Variants in MAGEB1 observed in about 807,000 individuals in gnomAD.
MAGEB1 encodes MAGE family member B1, also known as melanoma-associated antigen B1.
For missense variants in MAGEB1, 290 were observed against 286.7 expected, an observed-to-expected ratio of 1.01 and a Z score of -0.08; for synonymous variants, 99 against 105.7, an observed-to-expected ratio of 0.94 and a Z score of 0.39.
In MAGEB1 at chrX:30,251,265, G is replaced by A. The variant is rs779526546; in HGVS notation, c.772G>A (p.Glu258Lys). The A allele has an allele frequency of 5.8e-6, 7 of 1,211,949 alleles. No individual in the cohort carries two copies. Among genetic ancestry groups the A allele is most frequent in the Admixed American group, 4.3e-5 (2 of 46,080 alleles). ...GGTGCAGGAAAAATATCTGAAGTAC[G>A]AGCAGGTGCCCAACAGTGATCCCCC... ...DLVQEKYLKYEQVPNSDPPRY... is the reference protein window; with the variant it reads ...DLVQEKYLKYKQVPNSDPPRY... The change falls in exon 2 of 2, where the codon GAG becomes AAG. Residue 258 changes from glutamate to lysine, a missense_variant. Transcript: ENST00000397548.
intron 1 of MAGEB1, among the ~76,000 whole-genome samples, chrX:30,247,817 T>C (rs1004938848): frequency 9.1e-6 from 1 of 109,799 alleles, no homozygotes; most frequent in Non-Finnish European, 1.9e-5. Context: ...GGTGGTGGGC[T>C]GCTGTAGTCC....
At chrX:30,245,758 C>T (rs982492080), upstream of MAGEB1, among the ~76,000 whole-genome samples, 2 of 112,081 alleles carry the variant, frequency 1.8e-5, no homozygotes, top group Non-Finnish European at 3.8e-5. Flanking sequence ...ATATGATCAC[C>T]GACAGAAGCA....
upstream of MAGEB1, chrX:30,244,265 C>G (rs1489454366): frequency 2.4e-5 from 3 of 122,922 alleles, no homozygotes; most frequent in African/African-American, 6.5e-5. Context: ...GTACCCGGAT[C>G]TGCTTAGCTT....
At chrX:30,247,693 C>G (rs186817192) in intron 1 of MAGEB1, among the ~76,000 whole-genome samples, 1 of 111,636 alleles carries the variant, frequency 9.0e-6, no homozygotes, top group East Asian at 2.9e-4. Flanking sequence ...ACCCGTAATC[C>G]CAGAACTCTG....
At position 30,251,355 on chromosome X, in the gene MAGEB1, T is replaced by C; in HGVS notation, c.862T>C (p.Phe288Leu). ...AACCACCAAGATGAAAGTCCTCGAG[T>C]TTTTGGCCAAGATGAATGGTGCCAC... is the stretch of plus-strand genomic sequence containing the variant. The part of the protein sequence containing the change: ...AETTKMKVLE[F>L]LAKMNGATPR... Residue 288 changes from phenylalanine (F) to leucine (L), a missense_variant, in exon 2 of 2, where the codon TTT (phenylalanine) becomes CTT (leucine). By Grantham distance (22) the Phe-to-Leu change is conservative. Transcript: ENST00000397548. 1 of 1,209,685 alleles carries C rather than the reference T, an allele frequency of 8.3e-7. No individual in the cohort carries two copies. The highest frequency in any genetic ancestry group is 1.1e-6 in the Non-Finnish European group (1 of 894,774).
At chrX:30,247,994 G>T (rs948257724) in intron 1 of MAGEB1, among the ~76,000 whole-genome samples, 1 of 104,475 alleles carries the variant, frequency 9.6e-6, no homozygotes, top group Non-Finnish European at 2.0e-5. Flanking sequence ...GTCGGCACAC[G>T]CAGGCCCCAG....
At position 30,251,043 on chromosome X, in the gene MAGEB1, A is replaced by G. The variant is rs1178248006; in HGVS notation, c.550A>G (p.Thr184Ala). ...TYTLVSKLNL[T>A]NDGNLSNDWD... ...CACCCTCGTCAGTAAGCTAAACCTCACCAATGATGGAAACCTGAGCAATGA... is the reference window on the plus strand; with the variant it reads ...CACCCTCGTCAGTAAGCTAAACCTCGCCAATGATGGAAACCTGAGCAATGA... The change falls in exon 2 of 2, where the codon ACC becomes GCC. Residue 184 changes from threonine (T) to alanine (A), a missense_variant. Coordinates refer to ENST00000397548, the MANE Select transcript of MAGEB1 (RefSeq NM_177404.3). 1 of 1,208,998 alleles carries G rather than the reference A, an allele frequency of 8.3e-7. No individual in the cohort carries two copies. The highest frequency in any genetic ancestry group is 3.0e-5 in the East Asian group (1 of 33,748).
At chrX:30,250,310 A>G (rs1203937462) in intron 1 of MAGEB1, 124 bp from the exon 2 acceptor site, 3 of 433,601 alleles carry the variant, frequency 6.9e-6, no homozygotes, top group African/African-American at 2.5e-5. Context: ...CAGGGTTGGC[A>G]ACAAGAACCC....
chrX:30,247,946 G>GGAAAAAA (rs1483040801), intron 1 of MAGEB1, among the ~76,000 whole-genome samples: 3 of 45,936 alleles, frequency 6.5e-5, no homozygotes, highest in Non-Finnish European at 1.0e-4. Flanking sequence ...TCAGTCTCAA[G>GGAAAAAA]AAAAAAAAAA....
chrX:30,251,711 A>G lies in MAGEB1; in HGVS notation c.*174A>G, dbSNP rs925684685. 7 of 441,331 alleles carry G rather than the reference A, an allele frequency of 1.6e-5. No individual in the cohort carries two copies. The East Asian group carries it at 2.7e-4, about 17-fold the overall frequency. The allele number at this position is 441,331 out of a possible 1,213,427, so 36.4% of individuals were successfully genotyped here. A position where few individuals can be genotyped will look rare whatever the true frequency, so the allele number is the denominator to read the frequency against. On this transcript the variant is annotated 3_prime_UTR_variant, in exon 2 of 2. Coordinates refer to ENST00000397548, the MANE Select transcript of MAGEB1 (RefSeq NM_177404.3). ...AATAGAATGTTTATTTAGAGTTGGG[A>G]TCTATGTCTATGAGCGACATGGATC...
chrX:30,249,863 C>T (rs981251085), intron 1 of MAGEB1, among the ~76,000 whole-genome samples: 2 of 111,126 alleles, frequency 1.8e-5, no homozygotes, highest in Admixed American at 9.5e-5. Flanking sequence ...CTGCACTTAG[C>T]TCTGAAAGGC....
intron 1 of MAGEB1, 123 bp from the exon 2 acceptor site, chrX:30,250,311 A>C (rs1925466031): frequency 4.6e-6 from 2 of 433,875 alleles, no homozygotes; most frequent in Non-Finnish European, 7.9e-6. Context: ...AGGGTTGGCA[A>C]CAAGAACCCA....
chrX:30,251,292 C>A lies in MAGEB1; in HGVS notation c.799C>A (p.Arg267Ser), dbSNP rs7062640. ...GCAGGTGCCCAACAGTGATCCCCCA[C>A]GCTATCAATTCCTATGGGGTCCGAG... ...YEQVPNSDPP[R>S]YQFLWGPRAY... Residue 267 changes from arginine (R) to serine (S), a missense_variant, in exon 2 of 2, where the codon CGC becomes AGC. By Grantham distance (110) the Arg-to-Ser change is moderately radical. Coordinates refer to ENST00000397548, the MANE Select transcript of MAGEB1 (RefSeq NM_177404.3). 2.5e-6 allele frequency: 3 copies of A among 1,211,810 alleles called. No homozygotes were observed. Among genetic ancestry groups the A allele is most frequent in the East Asian group, 3.0e-5 (1 of 33,854 alleles).
At chrX:30,244,536 A>C (rs1399145998), upstream of MAGEB1, among the ~76,000 whole-genome samples, 1 of 112,330 alleles carries the variant, frequency 8.9e-6, no homozygotes, top group African/African-American at 3.2e-5. Flanking sequence ...AAAGGGGATA[A>C]AAAAGAAGGT....
Position 30,251,173 on chromosome X carries a change from T to C in MAGEB1, c.680T>C (p.Leu227Ser). 1 of 1,211,693 alleles carries C rather than the reference T, an allele frequency of 8.3e-7. No homozygotes were observed. Among genetic ancestry groups the C allele is most frequent in the Non-Finnish European group, 1.1e-6 (1 of 895,405 alleles). Residue 227 changes from leucine to serine, a missense_variant, in exon 2 of 2, where the codon TTG becomes TCG. Transcript: ENST00000397548. ...EEEIWKFMNVLGAYDGEEHLI... is the reference protein window; with the variant it reads ...EEEIWKFMNVSGAYDGEEHLI... ...GAGATCTGGAAATTCATGAATGTGT[T>C]GGGAGCCTATGATGGAGAGGAGCAC...
In MAGEB1 at chrX:30,251,545, G is replaced by A. The variant is rs1441502346; in HGVS notation, c.*8G>A. 8.4e-7 allele frequency: 1 copy of A among 1,191,272 alleles called. No individual in the cohort carries two copies. ...TCCTCCCACCCCATGTGAGAACTCAGGCAGATTGTTCACTTTGTTTTTGTG... is the reference window on the plus strand; with the variant it reads ...TCCTCCCACCCCATGTGAGAACTCAAGCAGATTGTTCACTTTGTTTTTGTG... On this transcript the variant is annotated 3_prime_UTR_variant, in exon 2 of 2. Coordinates refer to ENST00000397548, the MANE Select transcript of MAGEB1 (RefSeq NM_177404.3).
Position 30,251,207 on chromosome X carries a change from T to C in MAGEB1, c.714T>C (p.Tyr238=). Residue 238 remains tyrosine, a synonymous_variant, in exon 2 of 2, where the codon TAT becomes TAC. Coordinates refer to ENST00000397548, the MANE Select transcript of MAGEB1 (RefSeq NM_177404.3). ...ATGATGGAGAGGAGCACTTAATCTA[T>C]GGGGAACCCCGTAAGTTCATCACCC... ...GAYDGEEHLI[Y]GEPRKFITQD... 1 of 1,212,081 alleles carries C rather than the reference T, an allele frequency of 8.3e-7. No homozygotes were observed. The highest frequency in any genetic ancestry group is 1.1e-6 in the Non-Finnish European group (1 of 895,572).
chrX:30,248,074 A>G (rs1434291730), intron 1 of MAGEB1, among the ~76,000 whole-genome samples: 1 of 110,475 alleles, frequency 9.1e-6, no homozygotes, highest in Non-Finnish European at 1.9e-5. Flanking sequence ...ACTTTTGTCT[A>G]CGGGGCATGG....
In MAGEB1 at chrX:30,250,901, G is replaced by C; in HGVS notation, c.408G>C (p.Lys136Asn). Residue 136 changes from lysine to asparagine, a missense_variant, in exon 2 of 2, where the codon AAG becomes AAC. Coordinates refer to ENST00000397548, the MANE Select transcript of MAGEB1 (RefSeq NM_177404.3). The part of the protein sequence containing the change: ...REPIMKADML[K>N]VVDEKYKDHF... Reference sequence around the variant, plus strand: ...CCATTATGAAGGCAGATATGCTGAAGGTTGTTGATGAAAAGTACAAGGATC... The same window carrying C: ...CCATTATGAAGGCAGATATGCTGAACGTTGTTGATGAAAAGTACAAGGATC... The C allele has an allele frequency of 8.3e-7, 1 of 1,212,089 alleles. No individual in the cohort carries two copies. Among genetic ancestry groups the C allele is most frequent in the Non-Finnish European group, 1.1e-6 (1 of 895,504 alleles).
Sources: allele counts gnomAD v4.1 joint callset (sites outside exome capture counted in the v4.1 genomes callset), GRCh38; gene constraint gnomAD v4.1.1; transcripts MANE v1.5; gene names NCBI Gene and HGNC (gene_info 2026-07-23, HGNC 2026-07-21).